PHF20L1: variants seen among roughly 807,000 people sequenced by gnomAD.
The protein encoded by PHF20L1 is PHD finger protein 20 like 1.
Under a neutral mutation model 125.5 loss-of-function variants are expected in PHF20L1, and 44 were observed. That is an observed-to-expected ratio of 0.35 (90% confidence interval 0.28 to 0.45). The LOEUF (loss-of-function observed/expected upper bound fraction) is 0.45, where lower values mean the gene tolerates loss of function less well. Ranked by LOEUF, PHF20L1 falls within the 20% of genes least tolerant of loss-of-function variation. The pLI is 1.00. For synonymous variants in PHF20L1, 380 were observed against 403.1 expected (o/e 0.94, Z 0.69); for missense variants, 1,012 against 1,217.2 (o/e 0.83, Z 2.51).
At chr8:132,825,146 C>G in intron 13 of PHF20L1, 118 bp from the exon 14 acceptor site, 1 of 1,552,506 alleles carries the variant, frequency 6.4e-7, no homozygotes, top group Non-Finnish European at 8.8e-7. Context: ...TGAACCCATC[C>G]ACTCTGGGCA....
intron 3 of PHF20L1, 22 bp downstream of exon 3, chr8:132,794,603 T>C (rs1329667838): frequency 6.4e-7 from 1 of 1,573,188 alleles, no homozygotes; most frequent in East Asian, 2.2e-5. Flanking sequence ...GTTTTTTCTG[T>C]TTGCTAGTTT....
intron 14 of PHF20L1, among the ~76,000 whole-genome samples, 157 bp from the exon 15 acceptor site, chr8:132,832,078 C>G (rs1836841565): frequency 6.6e-6 from 1 of 151,980 alleles, no homozygotes; most frequent in South Asian, 2.1e-4. Context: ...CTTGCTAAAC[C>G]CAGTTCATCA....
intron 8 of PHF20L1, chr8:132,810,093 G>A (rs894812732): frequency 6.6e-6 from 1 of 150,492 alleles, no homozygotes; most frequent in African/African-American, 2.4e-5. Context: ...CACCTAGGGT[G>A]GAGTGCAGTG....
chr8:132,777,960 T>G (rs982968902), intron 2 of PHF20L1, 49 bp downstream of exon 2: 11 of 1,104,930 alleles, frequency 1.0e-5, no homozygotes, highest in Admixed American at 1.8e-5. Context: ...ATCTGTAGCC[T>G]TACATATGTT....
At position 132,792,964 on chromosome 8, in the gene PHF20L1, CTT is replaced by C. The variant is rs370724463; in HGVS notation, c.84-1429_84-1428del. ...GCTTATTTGAGAAGACCCCTTTTTT[CTT>C]TTTTTTTTTTTTTTTTAGTGCCACA... On this transcript the variant is annotated intron_variant, in intron 2 of 20. Coordinates refer to ENST00000395386, the MANE Select transcript of PHF20L1 (RefSeq NM_016018.5). Among the ~76,000 whole-genome samples, 1,068 of 129,590 alleles carry C rather than the reference CTT, an allele frequency of 8.2e-3. 32 individuals carry two copies. In the East Asian group the frequency reaches 0.09, roughly 11 times the overall value. 85.0% of individuals were successfully genotyped at this position (129,590 alleles called of 152,430 possible). A position where few individuals can be genotyped will look rare whatever the true frequency, so the allele number is the denominator to read the frequency against.
Position 132,842,507 on chromosome 8 carries a change from G to A in PHF20L1, c.2388-8G>A. On this transcript the variant is annotated splice_polypyrimidine_tract_variant and splice_region_variant and intron_variant, in intron 18 of 20. Transcript: ENST00000395386. Reference sequence around the variant, plus strand: ...TCTGAACTGCTGTTTTTCCAACTTTGTTTTAAGGAATAAACATCATCCTGA... The same window carrying A: ...TCTGAACTGCTGTTTTTCCAACTTTATTTTAAGGAATAAACATCATCCTGA... 2.0e-6 allele frequency: 3 copies of A among 1,508,504 alleles called. No individual in the cohort carries two copies. The highest frequency in any genetic ancestry group is 8.8e-7 in the Non-Finnish European group (1 of 1,132,868). 93.4% of individuals were successfully genotyped at this position (1,508,504 alleles called of 1,614,324 possible).
chr8:132,776,207 T>C (rs1172640733), intron 1 of PHF20L1, among the ~76,000 whole-genome samples: 1 of 152,182 alleles, frequency 6.6e-6, no homozygotes, highest in African/African-American at 2.4e-5. Context: ...TCTTCGAACC[T>C]AAGACAAAGG....
chr8:132,822,686 C>T (rs1587000069), intron 12 of PHF20L1, among the ~76,000 whole-genome samples: 1 of 151,912 alleles, frequency 6.6e-6, no homozygotes, highest in African/African-American at 2.4e-5. Flanking sequence ...TGTGATATCC[C>T]TTTCATTTTT....
At chr8:132,816,457 C>A in intron 10 of PHF20L1, 1 of 154,952 alleles carries the variant, frequency 6.5e-6, no homozygotes, top group Admixed American at 6.3e-5. Context: ...CATCTTTGTC[C>A]CTGCCTTTTT....
At position 132,846,447 on chromosome 8, in the gene PHF20L1, C is replaced by T. The variant is rs1363490271; in HGVS notation, c.*524C>T. ...ATTTAAACTTTTAAAGGATCATGAG[C>T]TGTTTCTTGGGCGATGAATGTTCTC... On this transcript the variant is annotated 3_prime_UTR_variant, in exon 21 of 21. Transcript: ENST00000395386. 2.0e-5 allele frequency: 3 copies of T among 152,510 alleles called. No individual in the cohort carries two copies. The highest frequency in any genetic ancestry group is 4.4e-5 in the Non-Finnish European group (3 of 68,006). The allele number at this position is 152,510 out of a possible 1,614,324, so 9.4% of individuals were successfully genotyped here. A position where few individuals can be genotyped will look rare whatever the true frequency, so the allele number is the denominator to read the frequency against.
At chr8:132,833,583 CT>C (rs1406042886) in intron 15 of PHF20L1, among the ~76,000 whole-genome samples, 2 of 152,080 alleles carry the variant, frequency 1.3e-5, no homozygotes, top group Non-Finnish European at 2.9e-5. Context: ...CAAGATACAA[CT>C]TCTAGGTGAT....
At chr8:132,809,667 A>T (rs983292907) in intron 8 of PHF20L1, 3 of 152,328 alleles carry the variant, frequency 2.0e-5, no homozygotes, top group Non-Finnish European at 4.4e-5. Context: ...TCAGTTTACT[A>T]TTAAGTTGTC....
chr8:132,795,486 T>C (rs528171166), intron 4 of PHF20L1, among the ~76,000 whole-genome samples: 2 of 152,268 alleles, frequency 1.3e-5, no homozygotes, highest in East Asian at 3.9e-4. Context: ...AGAATTCATA[T>C]GCTCATTAAT....
chr8:132,797,634 A>G (rs780452678), intron 4 of PHF20L1, among the ~76,000 whole-genome samples: 23 of 152,058 alleles, frequency 1.5e-4, no homozygotes, highest in Non-Finnish European at 3.2e-4. Flanking sequence ...CATTGTCTTT[A>G]CATCCTTGCT....
intron 15 of PHF20L1, among the ~76,000 whole-genome samples, chr8:132,833,781 A>G (rs1336667008): frequency 6.6e-6 from 1 of 152,148 alleles, no homozygotes. Context: ...CTCTGTTCTT[A>G]GTCTCTGCCC....
chr8:132,820,165 T>G (rs1835424529), intron 12 of PHF20L1, among the ~76,000 whole-genome samples: 1 of 151,882 alleles, frequency 6.6e-6, no homozygotes. Flanking sequence ...TTGGTATCTT[T>G]GTAAAAATTG....
At chr8:132,776,095 C>T (rs1255118083) in intron 1 of PHF20L1, among the ~76,000 whole-genome samples, 2 of 152,206 alleles carry the variant, frequency 1.3e-5, no homozygotes, top group Non-Finnish European at 2.9e-5. Context: ...TGTTTTTACT[C>T]CTCTCCGTGC....
rs939862286 is a variant in PHF20L1, at chr8:132,848,073, ACCCTT to A, written c.*2151_*2155del. 1 of 152,036 alleles carries A rather than the reference ACCCTT, an allele frequency of 6.6e-6. No homozygotes were observed. Among genetic ancestry groups the A allele is most frequent in the Admixed American group, 6.6e-5 (1 of 15,246 alleles). 9.4% of individuals were successfully genotyped at this position (152,036 alleles called of 1,614,324 possible). On this transcript the variant is annotated 3_prime_UTR_variant, in exon 21 of 21. Transcript: ENST00000395386. ...TAGATTCTTGTCACACACACAGAAG[ACCCTT>A]TGTACCTAGTAACATTCATCCTCTT...
At chr8:132,800,349 T>G (rs1030914219) in intron 6 of PHF20L1, among the ~76,000 whole-genome samples, 1 of 151,734 alleles carries the variant, frequency 6.6e-6, no homozygotes, top group Non-Finnish European at 1.5e-5. Context: ...TTTTTCATTT[T>G]TTTCTTTATA....
Sources: allele counts gnomAD v4.1 joint callset (sites outside exome capture counted in the v4.1 genomes callset), GRCh38; gene constraint gnomAD v4.1.1; transcripts MANE v1.5; gene names NCBI Gene and HGNC (gene_info 2026-07-23, HGNC 2026-07-21).